The following PLEC variants were observed in gnomAD, a reference collection of about 807,000 sequenced individuals.
PLEC encodes the protein hemidesmosomal protein 1.
A neutral mutation model predicts 392.8 loss-of-function variants in PLEC; 216 were observed. The observed-to-expected ratio is 0.55, with a 90% CI of 0.49 to 0.62. The LOEUF (loss-of-function observed/expected upper bound fraction) is 0.62, where lower values mean the gene tolerates loss of function less well. Among genes scored for constraint, PLEC ranks in the 20% least tolerant of loss-of-function variants. The pLI, the probability that PLEC is intolerant of heterozygous loss-of-function variation, is 0.00. For synonymous variants in PLEC, 3,621 were observed against 2,980.6 expected (o/e 1.21, Z -7.00); for missense variants, 6,863 against 6,563.4 (o/e 1.05, Z -1.58).
At position 143,933,979 on chromosome 8, in the gene PLEC, C is replaced by T; in HGVS notation, c.1263+19G>A. On this transcript the variant is annotated intron_variant, in intron 12 of 31. Coordinates refer to ENST00000345136, the MANE Select transcript of PLEC (RefSeq NM_201384.3). Reference sequence around the variant, plus strand: ...CTCCGGCCTCCCTCCCGCCCACTGCCTGCCCCACACCCCCTCACCGACTGC... The same window carrying T: ...CTCCGGCCTCCCTCCCGCCCACTGCTTGCCCCACACCCCCTCACCGACTGC... The T allele has an allele frequency of 6.3e-7, 1 of 1,595,364 alleles. No individual in the cohort carries two copies. Among genetic ancestry groups the T allele is most frequent in the Non-Finnish European group, 8.5e-7 (1 of 1,174,112 alleles).
chr8:143,927,257 T>A lies in PLEC; in HGVS notation c.3835A>T (p.Ile1279Phe), dbSNP rs1554706893. 3 of 1,613,170 alleles carry A rather than the reference T, an allele frequency of 1.9e-6. No individual in the cohort carries two copies. Among genetic ancestry groups the A allele is most frequent in the Admixed American group, 1.7e-5 (1 of 60,036 alleles). The change falls in exon 28 of 32, where the codon ATC becomes TTC. Residue 1279 changes from isoleucine (I) to phenylalanine (F), a missense_variant. Ile to Phe is a conservative substitution (Grantham distance 21, BLOSUM62 0). Coordinates refer to ENST00000345136, the MANE Select transcript of PLEC (RefSeq NM_201384.3). ...TGCAGGCGGCTGGGCCTCACCTTGA[T>A]GGCGTTGATGTACTGTTTCGCAAAC... ...QRFAKQYINA[I>F]KDYELQLVTY... is the part of the protein sequence containing the mutation.
At chr8:143,942,406 T>C (rs782414947), upstream of PLEC, 2 of 1,607,202 alleles carry the variant, frequency 1.2e-6, no homozygotes, top group Non-Finnish European at 1.7e-6. Context: ...GCAGCACAGC[T>C]GCTGGTAGAG....
Position 143,922,492 on chromosome 8 carries a change from AG to A in PLEC, c.7425+11del. The A allele has an allele frequency of 6.2e-7, 1 of 1,606,520 alleles. No individual in the cohort carries two copies. Among genetic ancestry groups the A allele is most frequent in the East Asian group, 2.2e-5 (1 of 44,876 alleles). ...GGGCCCACCCGCCCGTCGCACGTAG[AG>A]GGGGCGGTACCTCCTCAGACTTGAG... On this transcript the variant is annotated intron_variant, in intron 31 of 31. Coordinates refer to ENST00000345136, the MANE Select transcript of PLEC (RefSeq NM_201384.3).
At chr8:143,947,227 G>A (rs1224494814) in intron 1 of PLEC, among the ~76,000 whole-genome samples, 1 of 152,224 alleles carries the variant, frequency 6.6e-6, no homozygotes, top group East Asian at 1.9e-4. Flanking sequence ...CAAGGGGGGA[G>A]GTCAAGGCAC....
chr8:143,919,844 G>A lies in PLEC; in HGVS notation c.9977C>T (p.Ala3326Val). The A allele has an allele frequency of 6.2e-7, 1 of 1,613,140 alleles. No homozygotes were observed. The highest frequency in any genetic ancestry group is 8.5e-7 in the Non-Finnish European group (1 of 1,180,034). The change falls in exon 32 of 32, where the codon GCC becomes GTC. Residue 3326 changes from alanine to valine, a missense_variant. By Grantham distance (64) the Ala-to-Val change is moderately conservative (BLOSUM62 0). Coordinates refer to ENST00000345136, the MANE Select transcript of PLEC (RefSeq NM_201384.3). The part of the protein sequence containing the change: ...ELLASGVLSR[A>V]QFEQLKDGKT... ...GCCGTCCTTGAGCTGCTCAAACTGG[G>A]CTCTGCTGAGGACCCCGGAAGCCAG...
rs1190462322 is a variant in PLEC, at chr8:143,918,610, C to T, written c.11211G>A (p.Val3737=). The T allele has an allele frequency of 1.2e-6, 2 of 1,612,616 alleles. No individual in the cohort carries two copies. The highest frequency in any genetic ancestry group is 2.7e-5 in the African/African-American group (2 of 74,932). The change falls in exon 32 of 32, where the codon GTG becomes GTA. Residue 3737 remains valine, a synonymous_variant. Transcript: ENST00000345136. ...QAATGFLLDP[V]KGERLTVDEA... ...CATCCACAGTCAGCCGCTCCCCCTT[C>T]ACCGGGTCCAGCAGGAAGCCTGTGG...
Position 143,969,509 on chromosome 8 carries a change from A to C in PLEC, c.70+3894T>G, listed in dbSNP as rs1554743486. On this transcript the variant is annotated intron_variant, in intron 1 of 31. Coordinates refer to the PLEC transcript ENST00000356346. This position sits in a 1 kb window ranked among gnomAD's most constrained non-coding sequence, Gnocchi z 5.1. Reference sequence around the variant, plus strand: ...AAGCCTGGCCTGTGACAGCTCATAGAGGCTGGGCCGTCCTGCCACACCATG... The same window carrying C: ...AAGCCTGGCCTGTGACAGCTCATAGCGGCTGGGCCGTCCTGCCACACCATG... 6.6e-6 allele frequency among the ~76,000 whole-genome samples: 1 copy of C among 152,196 alleles called. No homozygotes were observed. The highest frequency in any genetic ancestry group is 2.4e-5 in the African/African-American group (1 of 41,448).
chr8:143,918,620 A>G lies in PLEC; in HGVS notation c.11201T>C (p.Leu3734Pro). ...CAGCCGCTCCCCCTTCACCGGGTCC[A>G]GCAGGAAGCCTGTGGCTGCCTGTGC... Reference protein sequence around the residue: ...LEAQAATGFLLDPVKGERLTV... With the variant: ...LEAQAATGFLPDPVKGERLTV... The change falls in exon 32 of 32, where the codon CTG becomes CCG. Residue 3734 changes from leucine (L) to proline (P), a missense_variant. Transcript: ENST00000345136. 6.2e-7 allele frequency: 1 copy of G among 1,612,832 alleles called. No homozygotes were observed. Among genetic ancestry groups the G allele is most frequent in the Non-Finnish European group, 8.5e-7 (1 of 1,180,000 alleles).
chr8:143,934,307 G>T lies in PLEC; in HGVS notation c.1169+11C>A. 6.2e-7 allele frequency: 1 copy of T among 1,611,416 alleles called. No homozygotes were observed. On this transcript the variant is annotated intron_variant, in intron 11 of 31. Transcript: ENST00000345136. ...CGGGTGGTTCCCCTGCCACCACAGG[G>T]CCCCACCCACCTCTCAAACTCGCTG...
In PLEC at chr8:143,919,592, T is replaced by C. The variant is rs782065011; in HGVS notation, c.10229A>G (p.His3410Arg). 3 of 1,598,048 alleles carry C rather than the reference T, an allele frequency of 1.9e-6. No individual in the cohort carries two copies. Among genetic ancestry groups the C allele is most frequent in the South Asian group, 2.2e-5 (2 of 90,106 alleles). ...DPVRNQRLYVHEAVKAGVVGP... is the reference protein window; with the variant it reads ...DPVRNQRLYVREAVKAGVVGP... ...CACCACGCCCGCCTTCACGGCCTCG[T>C]GGACATACAGGCGCTGGTTCCGCAC... is the stretch of plus-strand genomic sequence containing the variant. The change falls in exon 32 of 32, where the codon CAC becomes CGC. Residue 3410 changes from histidine to arginine, a missense_variant. His to Arg is a conservative substitution (Grantham distance 29). Transcript: ENST00000345136.
At position 143,924,016 on chromosome 8, in the gene PLEC, C is replaced by T. The variant is rs1210954905; in HGVS notation, c.5913G>A (p.Arg1971=). 2 of 1,589,330 alleles carry T rather than the reference C, an allele frequency of 1.3e-6. No homozygotes were observed. The highest frequency in any genetic ancestry group is 1.7e-5 in the Admixed American group (1 of 59,402). Residue 1971 remains arginine, a synonymous_variant, in exon 31 of 32, where the codon AGG becomes AGA. Transcript: ENST00000345136. ...SKEQAELEAA[R]QRQLAAEEER... is the part of the protein sequence containing the mutation. ...CCTCCTCCGCCGCCAGCTGCCGCTG[C>T]CTCGCAGCCTCCAGCTCGGCCTGCT...
chr8:143,953,005 CGCAGCACACACCTCCT>C (rs1390088250), upstream of PLEC, among the ~76,000 whole-genome samples: 5 of 134,882 alleles, frequency 3.7e-5, no homozygotes, highest in South Asian at 8.7e-4. Context: ...CCCCCCGCCT[CGCAGCACACACCTCCT>C]GCAGCACACA....
rs1286234284 is a variant in PLEC at position 143,924,648 on chromosome 8, G to C, written c.5281C>G (p.Arg1761Gly). ...GCCAGCAGCACCTCCATCTCGGCCC[G>C]CACCTTGGCCAGCTCGGCTTCCAGC... ...QELEAELAKV[R>G]AEMEVLLASK... Residue 1761 changes from arginine (R) to glycine (G), a missense_variant, in exon 31 of 32, where the codon CGG becomes GGG. Coordinates refer to ENST00000345136, the MANE Select transcript of PLEC (RefSeq NM_201384.3). 1 of 1,537,276 alleles carries C rather than the reference G, an allele frequency of 6.5e-7. No homozygotes were observed.
rs370168097 is a variant in PLEC, at chr8:143,925,405, C to G, written c.4524G>C (p.Gln1508His). Residue 1508 changes from glutamine (Q) to histidine (H), a missense_variant, in exon 31 of 32, where the codon CAG (glutamine) becomes CAC (histidine). Transcript: ENST00000345136. ...RLRRQVQDES[Q>H]RKRQAEVELA... ...GCTCCACCTCCGCCTGCCGCTTACG[C>G]TGGCTCTCGTCCTGCACCTGCCTCC... The G allele has an allele frequency of 6.3e-7, 1 of 1,590,778 alleles. No individual in the cohort carries two copies. The highest frequency in any genetic ancestry group is 1.3e-5 in the African/African-American group (1 of 74,734).
In PLEC at chr8:143,934,790, GC is replaced by G; in HGVS notation, c.945+19del. On this transcript the variant is annotated intron_variant, in intron 9 of 31. Coordinates refer to ENST00000345136, the MANE Select transcript of PLEC (RefSeq NM_201384.3). ...GCTCTCAGGGCAGGCCCAGGACCCC[GC>G]CCCCCACGGCAGGCCCACCTCAATC... The G allele has an allele frequency of 6.2e-7, 1 of 1,611,442 alleles. No individual in the cohort carries two copies. The highest frequency in any genetic ancestry group is 2.2e-5 in the East Asian group (1 of 44,882).
Position 143,969,175 on chromosome 8 carries a change from G to C in PLEC, c.70+4228C>G, listed in dbSNP as rs539151274. 1.6e-4 allele frequency among the ~76,000 whole-genome samples: 25 copies of C among 152,084 alleles called. No individual in the cohort carries two copies. Among genetic ancestry groups the C allele is most frequent in the Non-Finnish European group, 2.6e-4 (18 of 67,982 alleles). On this transcript the variant is annotated intron_variant, in intron 1 of 31. Transcript: ENST00000356346. The surrounding 1 kb of genome is among the most constrained non-coding windows in gnomAD (Gnocchi z 5.1). Reference sequence around the variant, plus strand: ...TCCACACCACGGAACCGACTCCAGCGGGGGGAGGGTGAGGTGCTGATGGCG... The same window carrying C: ...TCCACACCACGGAACCGACTCCAGCCGGGGGAGGGTGAGGTGCTGATGGCG...
upstream of PLEC, among the ~76,000 whole-genome samples, chr8:143,976,138 G>T (rs1833653409): frequency 6.6e-6 from 1 of 152,252 alleles, no homozygotes. Context: ...GAGCTCTGCT[G>T]CAGCGAGGCC....
Position 143,918,224 on chromosome 8 carries a change from C to T in PLEC, c.11597G>A (p.Arg3866His), listed in dbSNP as rs377150241. 3.9e-4 allele frequency: 615 copies of T among 1,580,740 alleles called. No homozygotes were observed. The highest frequency in any genetic ancestry group is 4.8e-4 in the Non-Finnish European group (559 of 1,171,064). Residue 3866 changes from arginine to histidine, a missense_variant, in exon 32 of 32, where the codon CGT (arginine) becomes CAT (histidine). Physicochemically the swap from Arg to His is conservative, Grantham distance 29 (BLOSUM62 0). Coordinates refer to ENST00000345136, the MANE Select transcript of PLEC (RefSeq NM_201384.3). ...SYTQLLRRCR[R>H]DDGTGQLLLP... ...GAGCAGCTGGCCGGTGCCGTCGTCACGACGGCACCGCCTGAGCAGCTGCGT... is the reference window on the plus strand; with the variant it reads ...GAGCAGCTGGCCGGTGCCGTCGTCATGACGGCACCGCCTGAGCAGCTGCGT...
upstream of PLEC, chr8:143,943,964 C>T (rs1201697033): frequency 1.0e-5 from 16 of 1,561,706 alleles, no homozygotes; most frequent in Non-Finnish European, 1.0e-5. Flanking sequence ...ACAGCCCCCT[C>T]CCTGCGTGCA....
Sources: gnomAD v4.1 joint callset for allele counts (sites outside exome capture counted in the v4.1 genomes callset) on GRCh38, gnomAD v4.1.1 for gene constraint, Gnocchi (gnomAD v3.1) non-coding constraint, MANE v1.5 for transcripts, NCBI Gene and HGNC (gene_info 2026-07-23, HGNC 2026-07-21) for gene names.